PODNL1: variants seen among roughly 807,000 people sequenced by gnomAD.
PODNL1 encodes podocan like 1.
A neutral mutation model predicts 45.1 loss-of-function variants in PODNL1; 50 were observed. The ratio of observed to expected loss-of-function variants is 1.11; its 90% confidence interval spans 0.88 to 1.40. The LOEUF (loss-of-function observed/expected upper bound fraction) is 1.40. Among genes scored for constraint, PODNL1 ranks in the 40% most tolerant of loss-of-function variants. PODNL1 has a pLI of 0.00. For synonymous variants in PODNL1, 406 were observed against 372.5 expected (o/e 1.09, Z -1.04); for missense variants, 788 against 793.3 (o/e 0.99, Z 0.08).
At chr19:13,947,052 AAC>A (rs1972842046) in intron 1 of PODNL1, among the ~76,000 whole-genome samples, 1 of 146,978 alleles carries the variant, frequency 6.8e-6, no homozygotes, top group South Asian at 2.1e-4. Context: ...AACACAAAAA[AAC>A]AAAAAAAAAA....
chr19:13,942,384 C>T (rs1438930959), upstream of PODNL1, among the ~76,000 whole-genome samples: 1 of 152,160 alleles, frequency 6.6e-6, no homozygotes, highest in African/African-American at 2.4e-5. Context: ...AGACTTAAAT[C>T]TCATTGGCCT....
chr19:13,932,062 AG>A lies in PODNL1; in HGVS notation c.1475del (p.Pro492LeufsTer4). The A allele has an allele frequency of 2.4e-6, 3 of 1,232,508 alleles. No individual in the cohort carries two copies. The highest frequency in any genetic ancestry group is 3.0e-6 in the Non-Finnish European group (3 of 988,246). 76.3% of individuals were successfully genotyped at this position (1,232,508 alleles called of 1,614,324 possible). On this transcript the variant is annotated frameshift_variant, in exon 9 of 10. Coordinates refer to ENST00000588872, the MANE Select transcript of PODNL1 (RefSeq NM_001370095.3). LOFTEE classifies it high-confidence loss of function. ...NELSFVPPDL[P>X]EALEELHLEG... ...CGAGGTGCAGCTCCTCTAGGGCCTC[AG>A]GCAGGTCCGGGGGCACAAAGGACAG...
chr19:13,940,085 C>T (rs995083719), upstream of PODNL1: 8 of 151,962 alleles, frequency 5.3e-5, no homozygotes, highest in Admixed American at 3.9e-4. Context: ...AACCCCCCCC[C>T]TCAAAGAGCT....
In PODNL1 at chr19:13,934,419, A is replaced by G; in HGVS notation, c.495-9T>C. 6.7e-7 allele frequency: 1 copy of G among 1,497,634 alleles called. No individual in the cohort carries two copies. The highest frequency in any genetic ancestry group is 8.9e-7 in the Non-Finnish European group (1 of 1,121,720). 92.8% of individuals were successfully genotyped at this position (1,497,634 alleles called of 1,614,324 possible). ...TGTGGAGGTACACGGACCTGAGGAGAGCCAGGCTCCGGCCACCAGCCTGCC... is the reference window on the plus strand; with the variant it reads ...TGTGGAGGTACACGGACCTGAGGAGGGCCAGGCTCCGGCCACCAGCCTGCC... On this transcript the variant is annotated splice_polypyrimidine_tract_variant and intron_variant, in intron 5 of 9. Coordinates refer to ENST00000588872, the MANE Select transcript of PODNL1 (RefSeq NM_001370095.3).
chr19:13,938,114 T>C lies in PODNL1; in HGVS notation c.3+65A>G, dbSNP rs1972503953. 3.9e-6 allele frequency: 6 copies of C among 1,519,924 alleles called. No individual in the cohort carries two copies. In the South Asian group the frequency reaches 7.6e-5, roughly 19 times the overall value. The allele number at this position is 1,519,924 out of a possible 1,614,324, so 94.2% of individuals were successfully genotyped here. A position where few individuals can be genotyped will look rare whatever the true frequency, so the allele number is the denominator to read the frequency against. ...GTCTTGGTGGGGAGGCAGTGGCCAG[T>C]TGGCAGAGCAGGGGTGGGGGGGCAG... is the stretch of plus-strand genomic sequence containing the variant. On this transcript the variant is annotated intron_variant, in intron 1 of 9. Transcript: ENST00000588872.
chr19:13,952,736 G>A, intron 1 of PODNL1: 3 of 528,798 alleles, frequency 5.7e-6, no homozygotes, highest in Non-Finnish European at 8.4e-6. Flanking sequence ...GGGGTGAGGG[G>A]TTGGGGGCGG....
chr19:13,932,972 G>C lies in PODNL1; in HGVS notation c.1251C>G (p.Pro417=). The part of the protein sequence containing the change: ...DLAGNQLTRL[P]MGLPTGLRTL... Reference sequence around the variant, plus strand: ...TGCGCAGGCCAGTGGGCAGGCCCATGGGCAGCCGGGTTAGCTGATTCCCTG... The same window carrying C: ...TGCGCAGGCCAGTGGGCAGGCCCATCGGCAGCCGGGTTAGCTGATTCCCTG... The change falls in exon 8 of 10, where the codon CCC becomes CCG. Residue 417 remains proline, a synonymous_variant. Transcript: ENST00000588872. 1 of 1,554,116 alleles carries C rather than the reference G, an allele frequency of 6.4e-7. No homozygotes were observed. The highest frequency in any genetic ancestry group is 8.7e-7 in the Non-Finnish European group (1 of 1,155,394).
At chr19:13,941,816 GA>G (rs1298609835), upstream of PODNL1, among the ~76,000 whole-genome samples, 2 of 151,758 alleles carry the variant, frequency 1.3e-5, no homozygotes, top group African/African-American at 4.8e-5. Flanking sequence ...CCATCTCAAA[GA>G]AAAAAAAGTT....
rs1227337534 is a variant in PODNL1 at position 13,938,327 on chromosome 19, C to T, written c.-146G>A. ...GCCACCCCCCACAACAGCCTGTTCT[C>T]CCGGGGCTTTGGGGGAGCTGGCCCA... On this transcript the variant is annotated 5_prime_UTR_variant, in exon 1 of 10. Transcript: ENST00000588872. The T allele has an allele frequency of 3.5e-6, 5 of 1,435,368 alleles. No homozygotes were observed. Among genetic ancestry groups the T allele is most frequent in the Non-Finnish European group, 4.6e-6 (5 of 1,091,380 alleles). 88.9% of individuals were successfully genotyped at this position (1,435,368 alleles called of 1,614,324 possible).
chr19:13,938,509 G>T, upstream of PODNL1: 1 of 1,167,524 alleles, frequency 8.6e-7, no homozygotes. Context: ...AATGTTTGGG[G>T]AAAAGCTGAG....
At chr19:13,935,037 G>A (rs1335274246) in intron 5 of PODNL1, among the ~76,000 whole-genome samples, 4 of 151,194 alleles carry the variant, frequency 2.6e-5, no homozygotes, top group African/African-American at 9.7e-5. Flanking sequence ...AGTGTGTGCA[G>A]GTGTGTATGT....
At chr19:13,936,518 G>A in intron 2 of PODNL1, 58 bp from the exon 3 acceptor site, 1 of 1,426,492 alleles carries the variant, frequency 7.0e-7, no homozygotes, top group South Asian at 1.2e-5. Context: ...GTGACCCCAA[G>A]CACTGATTCT....
In PODNL1 at chr19:13,938,160, C is replaced by T. The variant is rs781111784; in HGVS notation, c.3+19G>A. Reference sequence around the variant, plus strand: ...GGCAGGCAGGCCCCACCCTCAGACCCTCCCGTGCCCCACCTTACCATGGCC... The same window carrying T: ...GGCAGGCAGGCCCCACCCTCAGACCTTCCCGTGCCCCACCTTACCATGGCC... On this transcript the variant is annotated intron_variant, in intron 1 of 9. Coordinates refer to ENST00000588872, the MANE Select transcript of PODNL1 (RefSeq NM_001370095.3). 1 of 1,598,354 alleles carries T rather than the reference C, an allele frequency of 6.3e-7. No homozygotes were observed. Among genetic ancestry groups the T allele is most frequent in the South Asian group, 1.1e-5 (1 of 88,352 alleles).
chr19:13,946,968 G>A (rs569087430), intron 1 of PODNL1, among the ~76,000 whole-genome samples: 3 of 149,432 alleles, frequency 2.0e-5, no homozygotes, highest in Admixed American at 6.8e-5. Flanking sequence ...GGAGAATTGC[G>A]TGAGGCTGGG....
intron 2 of PODNL1, among the ~76,000 whole-genome samples, chr19:13,936,710 T>A: frequency 2.3e-5 from 1 of 43,000 alleles, no homozygotes; most frequent in Admixed American, 3.7e-4. Flanking sequence ...ACCCCCACAA[T>A]CAACCCAAAT....
intron 5 of PODNL1, among the ~76,000 whole-genome samples, 175 bp downstream of exon 5, chr19:13,935,546 C>T (rs1274814853): frequency 6.6e-6 from 1 of 152,076 alleles, no homozygotes; most frequent in Non-Finnish European, 1.5e-5. Flanking sequence ...AGGCTGGTCT[C>T]GAACTCCTGA....
intron 1 of PODNL1, among the ~76,000 whole-genome samples, chr19:13,946,983 C>T (rs1184923494): frequency 4.9e-5 from 7 of 143,586 alleles, no homozygotes; most frequent in Admixed American, 2.2e-4. Flanking sequence ...GCTGGGAGGT[C>T]GAGGCTACAG....
At chr19:13,938,973 C>CGT (rs1359929219), upstream of PODNL1, among the ~76,000 whole-genome samples, 2 of 152,142 alleles carry the variant, frequency 1.3e-5, no homozygotes, top group African/African-American at 4.8e-5. Context: ...AGTGTGCATT[C>CGT]AGAACAGTGC....
intron 1 of PODNL1, among the ~76,000 whole-genome samples, chr19:13,948,129 G>A (rs1486552075): frequency 1.3e-5 from 2 of 152,036 alleles, no homozygotes; most frequent in African/African-American, 4.8e-5. Context: ...CTCCTGCCTT[G>A]GTCTTCCAAA....
Sources: allele counts gnomAD v4.1 joint callset (sites outside exome capture counted in the v4.1 genomes callset), GRCh38; gene constraint gnomAD v4.1.1; transcripts MANE v1.5; gene names NCBI Gene and HGNC (gene_info 2026-07-23, HGNC 2026-07-21).